The following ABCB5 variants were observed in gnomAD, a reference collection of about 807,000 sequenced individuals.
ABCB5 encodes ATP binding cassette subfamily B member 5.
Under a neutral mutation model 144.2 loss-of-function variants are expected in ABCB5, and 155 were observed. That is an observed-to-expected ratio of 1.08 (90% CI 0.94 to 1.23). The LOEUF is 1.23. Among genes scored for constraint, ABCB5 ranks in the 50% most tolerant of loss-of-function variants. The probability of loss-of-function intolerance (pLI) is 0.00; values close to 1 mark genes in which losing one functional copy is unlikely to be tolerated. For synonymous variants in ABCB5, 610 were observed against 528.6 expected (o/e 1.15, Z -2.11); for missense variants, 1,830 against 1,520.8 (o/e 1.20, Z -3.38).
chr7:20,726,919 G>T, intron 21 of ABCB5, 121 bp from the exon 22 acceptor site: 1 of 528,728 alleles, frequency 1.9e-6, no homozygotes, highest in Non-Finnish European at 3.1e-6. Context: ...ATATTTGTCA[G>T]GAAAACTTAC....
chr7:20,693,113 T>C (rs1347922888), intron 16 of ABCB5, among the ~76,000 whole-genome samples: 1 of 152,116 alleles, frequency 6.6e-6, no homozygotes, highest in African/African-American at 2.4e-5. Context: ...AAATAGACCA[T>C]ATTCTGGACT....
rs540942144 is a variant in ABCB5, at chr7:20,741,550, T to C, written c.3025-1327T>C. 4.4e-4 allele frequency among the ~76,000 whole-genome samples: 61 copies of C among 137,404 alleles called. 1 individual carries two copies. In the South Asian group the frequency reaches 0.014, roughly 31 times the overall value. 90.1% of individuals were successfully genotyped at this position (137,404 alleles called of 152,430 possible). A position where few individuals can be genotyped will look rare whatever the true frequency, so the allele number is the denominator to read the frequency against. On this transcript the variant is annotated intron_variant, in intron 24 of 27. Coordinates refer to ENST00000404938, the MANE Select transcript of ABCB5 (RefSeq NM_001163941.2). Reference sequence around the variant, plus strand: ...ACGACTACTACACTACTTTTAAATTTTGGCAAATATCCTTCCAGATTTTTT... The same window carrying C: ...ACGACTACTACACTACTTTTAAATTCTGGCAAATATCCTTCCAGATTTTTT...
At chr7:20,669,183 G>A (rs1201813853) in intron 14 of ABCB5, among the ~76,000 whole-genome samples, 5 of 148,184 alleles carry the variant, frequency 3.4e-5, no homozygotes, top group Admixed American at 1.3e-4. Flanking sequence ...CTACTGGGAA[G>A]TGAGGAGCCC....
intron 13 of ABCB5, among the ~76,000 whole-genome samples, chr7:20,652,777 C>T (rs757546581): frequency 2.0e-5 from 3 of 152,092 alleles, no homozygotes; most frequent in South Asian, 2.1e-4. Context: ...AATTGTTGTG[C>T]GGAGCACCTT....
At chr7:20,734,760 A>T (rs1305475768) in intron 23 of ABCB5, among the ~76,000 whole-genome samples, 1 of 152,164 alleles carries the variant, frequency 6.6e-6, no homozygotes, top group Non-Finnish European at 1.5e-5. Flanking sequence ...TAACATTTTC[A>T]TTCTGCCACC....
At chr7:20,685,626 G>C in intron 15 of ABCB5, 70 bp from the exon 16 acceptor site, 1 of 1,376,552 alleles carries the variant, frequency 7.3e-7, no homozygotes, top group South Asian at 1.4e-5. Flanking sequence ...GCTTTAAAGA[G>C]ATGCTTAATA....
intron 19 of ABCB5, among the ~76,000 whole-genome samples, chr7:20,703,980 T>C (rs770730039): frequency 2.0e-5 from 3 of 151,618 alleles, no homozygotes; most frequent in Non-Finnish European, 4.4e-5. Context: ...CTTTATTATA[T>C]GGCCCCTAAA....
chr7:20,657,731 A>C (rs929439617), intron 13 of ABCB5, among the ~76,000 whole-genome samples: 1 of 152,196 alleles, frequency 6.6e-6, no homozygotes, highest in Non-Finnish European at 1.5e-5. Context: ...ATACTCATAG[A>C]CTTATATCCT....
intron 14 of ABCB5, among the ~76,000 whole-genome samples, chr7:20,681,062 T>C (rs12668713): frequency 0.18 from 726 of 4,064 alleles, 25 homozygotes; most frequent in South Asian, 0.37. Flanking sequence ...CTCTCTCTCT[T>C]TCTTTCTTTC....
intron 14 of ABCB5, among the ~76,000 whole-genome samples, chr7:20,663,374 A>C (rs747672152): frequency 4.6e-5 from 7 of 152,248 alleles, no homozygotes; most frequent in Non-Finnish European, 8.8e-5. Flanking sequence ...TGGATAAAGA[A>C]AATGTGGTAT....
chr7:20,666,627 T>C (rs1010331262), intron 14 of ABCB5: 1 of 1,156,666 alleles, frequency 8.6e-7, no homozygotes. Context: ...GTCAGCAAAG[T>C]GTCAAGTAGA....
At chr7:20,667,201 T>C (rs913064372) in intron 14 of ABCB5, 38 of 910,482 alleles carry the variant, frequency 4.2e-5, no homozygotes, top group Non-Finnish European at 4.9e-5. Context: ...ATAAGTTAAA[T>C]TGTAACATAA....
intron 1 of ABCB5, among the ~76,000 whole-genome samples, chr7:20,617,399 T>C (rs80113141): frequency 0.061 from 9,235 of 152,270 alleles, 964 homozygotes; most frequent in African/African-American, 0.21. Flanking sequence ...CAGAGGTCCT[T>C]TGACAATACT....
chr7:20,676,091 C>T (rs922435006), intron 14 of ABCB5, among the ~76,000 whole-genome samples: 4 of 151,658 alleles, frequency 2.6e-5, no homozygotes, highest in African/African-American at 9.7e-5. Flanking sequence ...GTTGCAGTCT[C>T]TATGGAAAAC....
chr7:20,684,526 G>A (rs965702746), intron 15 of ABCB5, among the ~76,000 whole-genome samples: 6 of 152,144 alleles, frequency 3.9e-5, no homozygotes, highest in African/African-American at 1.4e-4. Flanking sequence ...GGCTGAGGCA[G>A]GAGGACTGCT....
chr7:20,639,258 C>T (rs1188392833), intron 5 of ABCB5, among the ~76,000 whole-genome samples: 2 of 152,104 alleles, frequency 1.3e-5, no homozygotes, highest in African/African-American at 2.4e-5. Flanking sequence ...ATTGCAAGTT[C>T]TTTGTTGGAT....
intron 26 of ABCB5, among the ~76,000 whole-genome samples, chr7:20,751,435 C>A (rs1170957136): frequency 4.6e-5 from 7 of 152,060 alleles, no homozygotes; most frequent in African/African-American, 1.7e-4. Context: ...CGCGTCACTG[C>A]ACTCCAGCCT....
In ABCB5 at chr7:20,698,438, T is replaced by C. The variant is rs754874034; in HGVS notation, c.2042T>C (p.Ile681Thr). 1.3e-6 allele frequency: 2 copies of C among 1,582,978 alleles called. No individual in the cohort carries two copies. The highest frequency in any genetic ancestry group is 1.7e-4 in the Middle Eastern group (1 of 5,910). Residue 681 changes from isoleucine to threonine, a missense_variant, in exon 17 of 28, where the codon ATT (isoleucine) becomes ACT (threonine). Physicochemically the swap from Ile to Thr is moderately conservative, Grantham distance 89. Transcript: ENST00000404938. ...ISLPEVSLLK[I>T]LKLNKPEWPF... ...CTTCCTGAAGTCTCTCTATTAAAAA[T>C]TTTAAAGTTAAACAAGCCTGAATGG...
intron 7 of ABCB5, among the ~76,000 whole-genome samples, chr7:20,644,528 A>G (rs1784362115): frequency 6.6e-6 from 1 of 152,254 alleles, no homozygotes; most frequent in Non-Finnish European, 1.5e-5. Flanking sequence ...TGCTGTAAGT[A>G]TAACACAAAA....
Sources: allele counts gnomAD v4.1 joint callset (sites outside exome capture counted in the v4.1 genomes callset), GRCh38; gene constraint gnomAD v4.1.1; transcripts MANE v1.5; gene names NCBI Gene and HGNC (gene_info 2026-07-23, HGNC 2026-07-21).